BBIP1: variants seen among roughly 807,000 people sequenced by gnomAD.
BBIP1 encodes the protein BBSome interacting protein 1, also known as BBSome-interacting protein 1.
BBIP1 carries 6 observed loss-of-function variants against 8.9 expected under a neutral mutation model. That is an observed-to-expected ratio of 0.67 (90% CI 0.37 to 1.33). The LOEUF (loss-of-function observed/expected upper bound fraction) is 1.33. Among genes scored for constraint, BBIP1 ranks in the 40% most tolerant of loss-of-function variants. The pLI, the probability that BBIP1 is intolerant of heterozygous loss-of-function variation, is 0.02. For missense variants in BBIP1, 111 were observed against 109.2 expected (o/e 1.02, Z -0.07); for synonymous variants, 32 against 33.4 (o/e 0.96, Z 0.14).
intron 3 of BBIP1, chr10:110,901,085 T>A: frequency 2.2e-6 from 1 of 449,978 alleles, no homozygotes; most frequent in Non-Finnish European, 4.4e-6. Context: ...AGCCCAGGGG[T>A]TTGAGACCAG....
intron 2 of BBIP1, among the ~76,000 whole-genome samples, chr10:110,909,824 A>C (rs1364622252): frequency 1.3e-5 from 2 of 152,370 alleles, no homozygotes; most frequent in Non-Finnish European, 2.9e-5. Context: ...CTTTCAGAGT[A>C]GAAAACTAAC....
At chr10:110,915,215 C>T (rs892330167) in intron 2 of BBIP1, among the ~76,000 whole-genome samples, 4 of 151,664 alleles carry the variant, frequency 2.6e-5, no homozygotes, top group African/African-American at 7.3e-5. Context: ...AGAGTGCAGT[C>T]GTGCGATCAT....
chr10:110,917,946 G>C lies in BBIP1; in HGVS notation c.37+175C>G, dbSNP rs1054336529. The C allele has an allele frequency of 1.5e-5, 9 of 620,658 alleles. No homozygotes were observed. In the Admixed American group the frequency reaches 1.7e-4, roughly 12 times the overall value. 38.4% of individuals were successfully genotyped at this position (620,658 alleles called of 1,614,324 possible). A position where few individuals can be genotyped will look rare whatever the true frequency, so the allele number is the denominator to read the frequency against. On this transcript the variant is annotated intron_variant, in intron 2 of 3. Coordinates refer to ENST00000448814, the MANE Select transcript of BBIP1 (RefSeq NM_001195305.3). ...CACATCTCCACGGGTAACAGAATCA[G>C]ATACAGAATCACAAAAGGTGACTGC...
rs1328106739 is a variant in BBIP1 at position 110,899,456 on chromosome 10, G to GTAAT, written c.*900_*903dup. On this transcript the variant is annotated 3_prime_UTR_variant, in exon 4 of 4. Coordinates refer to ENST00000448814, the MANE Select transcript of BBIP1 (RefSeq NM_001195305.3). ...TTATTCTCAAGTGCTTAAAATTAAT[G>GTAAT]TAATTAAAAGCTTAGCTGACTACAG... 2 of 152,132 alleles carry GTAAT rather than the reference G, an allele frequency of 1.3e-5. No individual in the cohort carries two copies. Among genetic ancestry groups the GTAAT allele is most frequent in the Non-Finnish European group, 2.9e-5 (2 of 68,016 alleles). 9.4% of individuals were successfully genotyped at this position (152,132 alleles called of 1,614,324 possible).
intron 2 of BBIP1, chr10:110,911,500 A>C (rs1178741301): frequency 6.6e-6 from 1 of 151,952 alleles, no homozygotes; most frequent in East Asian, 1.9e-4. Context: ...TATTTTAAGG[A>C]ATTTTCTGCA....
intron 3 of BBIP1, chr10:110,901,201 G>A (rs1047655081): frequency 7.0e-6 from 3 of 428,398 alleles, no homozygotes; most frequent in Non-Finnish European, 9.0e-6. Context: ...TAGGGCAGGA[G>A]CCCAGTAGTT....
chr10:110,907,926 G>A (rs991865698), intron 2 of BBIP1: 1 of 589,970 alleles, frequency 1.7e-6, no homozygotes, highest in African/African-American at 1.9e-5. Flanking sequence ...TTTCAAACAG[G>A]GGAGTTGAGT....
At chr10:110,918,659 G>A (rs1329907283) in intron 1 of BBIP1, among the ~76,000 whole-genome samples, 1 of 152,252 alleles carries the variant, frequency 6.6e-6, no homozygotes. Flanking sequence ...GGCTGGGTTA[G>A]GGCGGCCTGT....
At chr10:110,914,397 T>C (rs903988901) in intron 2 of BBIP1, among the ~76,000 whole-genome samples, 2 of 152,012 alleles carry the variant, frequency 1.3e-5, no homozygotes, top group African/African-American at 4.8e-5. Context: ...ATCCAAGACT[T>C]GTGGTTAACT....
At chr10:110,915,734 C>T (rs377282908) in intron 2 of BBIP1, among the ~76,000 whole-genome samples, 9 of 152,052 alleles carry the variant, frequency 5.9e-5, no homozygotes, top group African/African-American at 1.7e-4. Flanking sequence ...GACAGGGTCT[C>T]GCTCTGTTGC....
intron 1 of BBIP1, 95 bp from the exon 2 acceptor site, chr10:110,918,308 C>G: frequency 1.5e-6 from 1 of 649,120 alleles, no homozygotes; most frequent in Non-Finnish European, 2.6e-6. Flanking sequence ...AAACTGTAGA[C>G]CTGCAGGAAT....
At chr10:110,900,841 C>CA (rs886115391) in intron 3 of BBIP1, 13 of 264,882 alleles carry the variant, frequency 4.9e-5, no homozygotes, top group Admixed American at 2.1e-4. Flanking sequence ...ATACATAGTG[C>CA]AAAAAAATAT....
chr10:110,901,473 G>T, intron 3 of BBIP1, 65 bp downstream of exon 3: 3 of 1,164,298 alleles, frequency 2.6e-6, no homozygotes, highest in South Asian at 1.3e-5. Flanking sequence ...CCTGCTATGT[G>T]ACACTGCCTA....
chr10:110,913,227 A>C, intron 2 of BBIP1, among the ~76,000 whole-genome samples: 1 of 152,240 alleles, frequency 6.6e-6, no homozygotes. Context: ...TTTCTCATAC[A>C]AAACATGTTT....
At chr10:110,912,381 T>A (rs1349794636) in intron 2 of BBIP1, 1 of 152,330 alleles carries the variant, frequency 6.6e-6, no homozygotes, top group East Asian at 1.9e-4. Flanking sequence ...TTTGCATTTT[T>A]AAATTATTTT....
intron 2 of BBIP1, among the ~76,000 whole-genome samples, chr10:110,909,509 T>G (rs1366870077): frequency 6.6e-6 from 1 of 152,242 alleles, no homozygotes; most frequent in Non-Finnish European, 1.5e-5. Flanking sequence ...AGGTTGGCTC[T>G]TATGTCATCT....
intron 2 of BBIP1, among the ~76,000 whole-genome samples, chr10:110,905,515 T>A (rs1441918724): frequency 6.6e-6 from 1 of 151,764 alleles, no homozygotes; most frequent in Non-Finnish European, 1.5e-5. Context: ...TGAGCCGAGA[T>A]CGTGCCACTG....
intron 2 of BBIP1, among the ~76,000 whole-genome samples, chr10:110,915,202 G>A (rs781368551): frequency 1.3e-5 from 2 of 151,328 alleles, no homozygotes; most frequent in Non-Finnish European, 3.0e-5. Context: ...TGTTGCTCAG[G>A]CTAGAGTGCA....
intron 2 of BBIP1, chr10:110,904,701 A>G (rs550227235): frequency 6.6e-6 from 1 of 152,358 alleles, no homozygotes; most frequent in African/African-American, 2.4e-5. Flanking sequence ...TGTAAAAATA[A>G]GAGTGTTCAT....
Sources: allele counts gnomAD v4.1 joint callset (sites outside exome capture counted in the v4.1 genomes callset), GRCh38; gene constraint gnomAD v4.1.1; transcripts MANE v1.5; gene names NCBI Gene and HGNC (gene_info 2026-07-23, HGNC 2026-07-21).